CSNK1A1L: variants seen among roughly 807,000 people sequenced by gnomAD.
CSNK1A1L encodes the protein casein kinase 1 alpha 1 like, also known as casein kinase I isoform alpha-like.
A neutral mutation model predicts 24.6 loss-of-function variants in CSNK1A1L; 20 were observed. That is an observed-to-expected ratio of 0.81 (90% CI 0.57 to 1.18). The LOEUF (loss-of-function observed/expected upper bound fraction) is 1.18, where lower values mean the gene tolerates loss of function less well. Among genes scored for constraint, CSNK1A1L ranks in the 50% most tolerant of loss-of-function variants. The pLI is 0.00. For synonymous variants in CSNK1A1L, 152 were observed against 154.0 expected (o/e 0.99, Z 0.09); for missense variants, 414 against 419.0 (o/e 0.99, Z 0.10).
In CSNK1A1L at chr13:37,105,107, C is replaced by T. The variant is rs765534083; in HGVS notation, c.150G>A (p.Gln50=). 1.2e-6 allele frequency: 2 copies of T among 1,614,168 alleles called. No individual in the cohort carries two copies. The highest frequency in any genetic ancestry group is 1.3e-5 in the African/African-American group (1 of 75,028). The change falls in exon 1 of 1, where the codon CAG becomes CAA. Residue 50 remains glutamine, a synonymous_variant. Coordinates refer to ENST00000379800, the MANE Select transcript of CSNK1A1L (RefSeq NM_145203.6). ...GEDVAVKLES[Q]KVKHPQLLYE... Reference sequence around the variant, plus strand: ...ACAGCAACTGGGGGTGCTTGACCTTCTGAGATTCCAGCTTCACTGCTACGT... The same window carrying T: ...ACAGCAACTGGGGGTGCTTGACCTTTTGAGATTCCAGCTTCACTGCTACGT...
chr13:37,104,751 G>T lies in CSNK1A1L; in HGVS notation c.506C>A (p.Thr169Asn). 2 of 1,613,766 alleles carry T rather than the reference G, an allele frequency of 1.2e-6. No individual in the cohort carries two copies. Among genetic ancestry groups the T allele is most frequent in the Non-Finnish European group, 1.7e-6 (2 of 1,179,992 alleles). Residue 169 changes from threonine to asparagine, a missense_variant, in exon 1 of 1, where the codon ACC (threonine) becomes AAC (asparagine). Transcript: ENST00000379800. ...GLAKKYRDNRTRQHIPYREDK... is the reference protein window; with the variant it reads ...GLAKKYRDNRNRQHIPYREDK... ...TTCTCTGTACGGTATGTGTTGCCTGGTCCTGTTGTCTCTGTACTTTTTGGC... is the reference window on the plus strand; with the variant it reads ...TTCTCTGTACGGTATGTGTTGCCTGTTCCTGTTGTCTCTGTACTTTTTGGC...
Position 37,105,214 on chromosome 13 carries a change from C to T in CSNK1A1L, c.43G>A (p.Gly15Arg), listed in dbSNP as rs773071079. 9 of 1,614,060 alleles carry T rather than the reference C, an allele frequency of 5.6e-6. No homozygotes were observed. Among genetic ancestry groups the T allele is most frequent in the Non-Finnish European group, 7.6e-6 (9 of 1,180,040 alleles). Residue 15 changes from glycine to arginine, a missense_variant, in exon 1 of 1, where the codon GGG (glycine) becomes AGG (arginine). By Grantham distance (125) the Gly-to-Arg change is moderately radical (BLOSUM62 -2). Transcript: ENST00000379800. ...SGSKAELVVGGKYKLVRKIGS... is the reference protein window; with the variant it reads ...SGSKAELVVGRKYKLVRKIGS... ...ATCTTCCGCACCAGTTTGTATTTCCCTCCCACAACGAGTTCGGCTTTGGAG... is the reference window on the plus strand; with the variant it reads ...ATCTTCCGCACCAGTTTGTATTTCCTTCCCACAACGAGTTCGGCTTTGGAG...
Position 37,105,331 on chromosome 13 carries a change from G to A in CSNK1A1L, c.-75C>T, listed in dbSNP as rs2070771561. On this transcript the variant is annotated 5_prime_UTR_variant, in exon 1 of 1. Transcript: ENST00000379800. ...AGGATGGAGGCCTCCGGGGCCCACCGGCCCGCAAGGCTGAGGATGAGGGCT... is the reference window on the plus strand; with the variant it reads ...AGGATGGAGGCCTCCGGGGCCCACCAGCCCGCAAGGCTGAGGATGAGGGCT... 2.0e-6 allele frequency: 3 copies of A among 1,490,268 alleles called. No homozygotes were observed. Among genetic ancestry groups the A allele is most frequent in the African/African-American group, 2.8e-5 (2 of 71,192 alleles). The allele number at this position is 1,490,268 out of a possible 1,614,324, so 92.3% of individuals were successfully genotyped here.
Position 37,105,372 on chromosome 13 carries a change from C to G in CSNK1A1L, c.-116G>C, listed in dbSNP as rs745367370. The stretch of plus-strand genomic sequence containing the variant: ...GATGAGGGCTGCTGGAAATGGCCAC[C>G]GAGGCGTTTCCCGGTGTTACAGGGC... On this transcript the variant is annotated 5_prime_UTR_variant, in exon 1 of 1. Coordinates refer to ENST00000379800, the MANE Select transcript of CSNK1A1L (RefSeq NM_145203.6). 8.6e-7 allele frequency: 1 copy of G among 1,158,614 alleles called. No individual in the cohort carries two copies. The highest frequency in any genetic ancestry group is 2.4e-5 in the East Asian group (1 of 41,796). The allele number at this position is 1,158,614 out of a possible 1,614,324, so 71.8% of individuals were successfully genotyped here.
rs1460540586 is a variant in CSNK1A1L at position 37,104,504 on chromosome 13, C to A, written c.753G>T (p.Gly251=). The A allele has an allele frequency of 6.2e-7, 1 of 1,614,192 alleles. No individual in the cohort carries two copies. The highest frequency in any genetic ancestry group is 1.7e-5 in the Admixed American group (1 of 60,032). ...MSTPVEVLCK[G]FPAEFAMYLN... ...AGTACATGGCGAATTCTGCAGGAAA[C>A]CCCTTACATAAAACTTCAACAGGGG... is the stretch of plus-strand genomic sequence containing the variant. The change falls in exon 1 of 1, where the codon GGG becomes GGT. Residue 251 remains glycine (G), a synonymous_variant. Coordinates refer to ENST00000379800, the MANE Select transcript of CSNK1A1L (RefSeq NM_145203.6).
In CSNK1A1L at chr13:37,104,696, A is replaced by G; in HGVS notation, c.561T>C (p.Tyr187=). The G allele has an allele frequency of 3.7e-6, 6 of 1,614,148 alleles. No homozygotes were observed. Among genetic ancestry groups the G allele is most frequent in the Non-Finnish European group, 5.1e-6 (6 of 1,180,034 alleles). ...TACCAAGATGTGCATTGATGCTGGCATATCGGACAGTGCCAATGAGGTGTT... is the reference window on the plus strand; with the variant it reads ...TACCAAGATGTGCATTGATGCTGGCGTATCGGACAGTGCCAATGAGGTGTT... ...EDKHLIGTVR[Y]ASINAHLGIE... is the part of the protein sequence containing the mutation. The change falls in exon 1 of 1, where the codon TAT becomes TAC. Residue 187 remains tyrosine, a synonymous_variant. Transcript: ENST00000379800.
At position 37,104,571 on chromosome 13, in the gene CSNK1A1L, T is replaced by A. The variant is rs1438512724; in HGVS notation, c.686A>T (p.Lys229Ile). The A allele has an allele frequency of 6.2e-7, 1 of 1,614,094 alleles. No individual in the cohort carries two copies. The highest frequency in any genetic ancestry group is 8.5e-7 in the Non-Finnish European group (1 of 1,180,040). ...LPWQGLRAMT[K>I]KQKYEKISEK... is the part of the protein sequence containing the mutation. ...ACTAATCTTTTCATATTTTTGTTTTTTTGTCATAGCCCTTAGTCCTTGCCA... is the reference window on the plus strand; with the variant it reads ...ACTAATCTTTTCATATTTTTGTTTTATTGTCATAGCCCTTAGTCCTTGCCA... The change falls in exon 1 of 1, where the codon AAA becomes ATA. Residue 229 changes from lysine to isoleucine, a missense_variant. Lys to Ile is a moderately radical substitution (Grantham distance 102). Transcript: ENST00000379800.
rs1226306211 is a variant in CSNK1A1L at position 37,103,367 on chromosome 13, T to G, written c.*876A>C. On this transcript the variant is annotated 3_prime_UTR_variant, in exon 1 of 1. Coordinates refer to ENST00000379800, the MANE Select transcript of CSNK1A1L (RefSeq NM_145203.6). The stretch of plus-strand genomic sequence containing the variant: ...ATTTCCTAGTGAATCAGCAAGGCAT[T>G]TTTTGGTTGTTGTTTAAAAAAGTAT... The G allele has an allele frequency of 6.6e-6, 1 of 152,234 alleles. No individual in the cohort carries two copies. Among genetic ancestry groups the G allele is most frequent in the African/African-American group, 2.4e-5 (1 of 41,440 alleles). The allele number at this position is 152,234 out of a possible 1,614,324, so 9.4% of individuals were successfully genotyped here.
In CSNK1A1L at chr13:37,104,660, G is replaced by A. The variant is rs1425646433; in HGVS notation, c.597C>T (p.Ser199=). 1 of 1,614,098 alleles carries A rather than the reference G, an allele frequency of 6.2e-7. No homozygotes were observed. The highest frequency in any genetic ancestry group is 8.5e-7 in the Non-Finnish European group (1 of 1,180,026). ...CTAAGGATTCCATGTCATCTCGGCG[G>A]CTCTGCTCAATACCAAGATGTGCAT... is the stretch of plus-strand genomic sequence containing the variant. The part of the protein sequence containing the change: ...SINAHLGIEQ[S]RRDDMESLGY... The change falls in exon 1 of 1, where the codon AGC becomes AGT. Residue 199 remains serine, a synonymous_variant. Coordinates refer to ENST00000379800, the MANE Select transcript of CSNK1A1L (RefSeq NM_145203.6).
Position 37,104,025 on chromosome 13 carries a change from C to T in CSNK1A1L, c.*218G>A, listed in dbSNP as rs1222058181. 18 of 602,782 alleles carry T rather than the reference C, an allele frequency of 3.0e-5. No homozygotes were observed. Among genetic ancestry groups the T allele is most frequent in the Non-Finnish European group, 5.2e-5 (18 of 344,912 alleles). 37.3% of individuals were successfully genotyped at this position (602,782 alleles called of 1,614,324 possible). A position where few individuals can be genotyped will look rare whatever the true frequency, so the allele number is the denominator to read the frequency against. On this transcript the variant is annotated 3_prime_UTR_variant, in exon 1 of 1. Coordinates refer to ENST00000379800, the MANE Select transcript of CSNK1A1L (RefSeq NM_145203.6). ...GAAAACCAGACACCACGTTTCACTA[C>T]CTCAGTTAATATTCACAATTACAGA...
Position 37,104,507 on chromosome 13 carries a change from C to T in CSNK1A1L, c.750G>A (p.Lys250=), listed in dbSNP as rs1470362250. ...KMSTPVEVLC[K]GFPAEFAMYL... ...ACATGGCGAATTCTGCAGGAAACCC[C>T]TTACATAAAACTTCAACAGGGGTGG... is the stretch of plus-strand genomic sequence containing the variant. The change falls in exon 1 of 1, where the codon AAG becomes AAA. Residue 250 remains lysine, a synonymous_variant. Transcript: ENST00000379800. 1.9e-6 allele frequency: 3 copies of T among 1,614,218 alleles called. No homozygotes were observed. The highest frequency in any genetic ancestry group is 1.1e-5 in the South Asian group (1 of 91,082).
Position 37,105,361 on chromosome 13 carries a change from G to C in CSNK1A1L, c.-105C>G, listed in dbSNP as rs1010867741. 2.3e-6 allele frequency: 3 copies of C among 1,288,008 alleles called. No homozygotes were observed. Among genetic ancestry groups the C allele is most frequent in the East Asian group, 2.3e-5 (1 of 42,936 alleles). The allele number at this position is 1,288,008 out of a possible 1,614,324, so 79.8% of individuals were successfully genotyped here. A position where few individuals can be genotyped will look rare whatever the true frequency, so the allele number is the denominator to read the frequency against. Reference sequence around the variant, plus strand: ...GCAAGGCTGAGGATGAGGGCTGCTGGAAATGGCCACCGAGGCGTTTCCCGG... The same window carrying C: ...GCAAGGCTGAGGATGAGGGCTGCTGCAAATGGCCACCGAGGCGTTTCCCGG... On this transcript the variant is annotated 5_prime_UTR_variant, in exon 1 of 1. Coordinates refer to ENST00000379800, the MANE Select transcript of CSNK1A1L (RefSeq NM_145203.6).
At position 37,104,800 on chromosome 13, in the gene CSNK1A1L, A is replaced by G; in HGVS notation, c.457T>C (p.Leu153=). The G allele has an allele frequency of 1.2e-6, 2 of 1,613,164 alleles. No individual in the cohort carries two copies. The highest frequency in any genetic ancestry group is 8.5e-7 in the Non-Finnish European group (1 of 1,179,872). ...LMGTGRHCNK[L]FLIDFGLAKK... is the part of the protein sequence containing the mutation. The stretch of plus-strand genomic sequence containing the variant: ...GCCAAACCAAAATCAATAAGGAACA[A>G]CTTATTACAGTGACGCCCAGTACCC... Residue 153 remains leucine (L), a synonymous_variant, in exon 1 of 1, where the codon TTG becomes CTG. Transcript: ENST00000379800.
At position 37,103,717 on chromosome 13, in the gene CSNK1A1L, T is replaced by C. The variant is rs1024551922; in HGVS notation, c.*526A>G. 4.9e-5 allele frequency: 8 copies of C among 161,908 alleles called. No homozygotes were observed. Among genetic ancestry groups the C allele is most frequent in the Admixed American group, 2.9e-4 (5 of 17,330 alleles). The allele number at this position is 161,908 out of a possible 1,614,324, so 10.0% of individuals were successfully genotyped here. On this transcript the variant is annotated 3_prime_UTR_variant, in exon 1 of 1. Transcript: ENST00000379800. ...TCTCAAAACTGGAATTTTTGGTTAC[T>C]ACTAGATCAGCTGGCTTACAGACAA...
Position 37,103,365 on chromosome 13 carries a change from A to AT in CSNK1A1L, c.*877dup, listed in dbSNP as rs1369946940. 1.3e-5 allele frequency: 2 copies of AT among 152,226 alleles called. No homozygotes were observed. The highest frequency in any genetic ancestry group is 2.9e-5 in the Non-Finnish European group (2 of 68,022). The allele number at this position is 152,226 out of a possible 1,614,324, so 9.4% of individuals were successfully genotyped here. A position where few individuals can be genotyped will look rare whatever the true frequency, so the allele number is the denominator to read the frequency against. ...TTATTTCCTAGTGAATCAGCAAGGCATTTTTTGGTTGTTGTTTAAAAAAGT... is the reference window on the plus strand; with the variant it reads ...TTATTTCCTAGTGAATCAGCAAGGCATTTTTTTGGTTGTTGTTTAAAAAAGT... On this transcript the variant is annotated 3_prime_UTR_variant, in exon 1 of 1. Coordinates refer to ENST00000379800, the MANE Select transcript of CSNK1A1L (RefSeq NM_145203.6).
At position 37,105,560 on chromosome 13, in the gene CSNK1A1L, T is replaced by G. The variant is rs1594719411; in HGVS notation, c.-304A>C. 2.9e-6 allele frequency: 1 copy of G among 342,334 alleles called. No individual in the cohort carries two copies. The highest frequency in any genetic ancestry group is 5.6e-6 in the Non-Finnish European group (1 of 179,950). 21.2% of individuals were successfully genotyped at this position (342,334 alleles called of 1,614,324 possible). The stretch of plus-strand genomic sequence containing the variant: ...GGCTGAGAAAGGGGGCACAGCGAGT[T>G]GGGGCAGCAGTACTGCTGCCACCGC... On this transcript the variant is annotated 5_prime_UTR_variant, in exon 1 of 1. Transcript: ENST00000379800.
rs760538439 is a variant in CSNK1A1L at position 37,104,685 on chromosome 13, T to C, written c.572A>G (p.Asn191Ser). ...LIGTVRYASI[N>S]AHLGIEQSRR... is the part of the protein sequence containing the mutation. ...GCTCTGCTCAATACCAAGATGTGCA[T>C]TGATGCTGGCATATCGGACAGTGCC... Residue 191 changes from asparagine to serine, a missense_variant, in exon 1 of 1, where the codon AAT becomes AGT. By Grantham distance (46) the Asn-to-Ser change is conservative. Coordinates refer to ENST00000379800, the MANE Select transcript of CSNK1A1L (RefSeq NM_145203.6). The C allele has an allele frequency of 4.3e-6, 7 of 1,614,060 alleles. No individual in the cohort carries two copies. Among genetic ancestry groups the C allele is most frequent in the Middle Eastern group, 1.6e-4 (1 of 6,084 alleles).
Position 37,104,920 on chromosome 13 carries a change from C to G in CSNK1A1L, c.337G>C (p.Val113Leu). Residue 113 changes from valine to leucine, a missense_variant, in exon 1 of 1, where the codon GTA becomes CTA. Physicochemically the swap from Val to Leu is conservative, Grantham distance 32 (BLOSUM62 1). Transcript: ENST00000379800. ...FCSRRFTMKTVLMLADQMISR... is the reference protein window; with the variant it reads ...FCSRRFTMKTLLMLADQMISR... ...ATCATCTGGTCGGCTAACATAAGTA[C>G]AGTTTTCATGGTGAACCTTCTTGAA... 1.2e-6 allele frequency: 2 copies of G among 1,614,088 alleles called. No individual in the cohort carries two copies. Among genetic ancestry groups the G allele is most frequent in the Non-Finnish European group, 1.7e-6 (2 of 1,180,014 alleles).
Position 37,104,399 on chromosome 13 carries a change from C to A in CSNK1A1L, c.858G>T (p.Arg286Ser). The stretch of plus-strand genomic sequence containing the variant: ...TGTAGTCATATTGGTGGTTCAGGGT[C>A]CTGAAAAGAATGCGGAATAGCTGCC... ...YLRQLFRILF[R>S]TLNHQYDYTF... Residue 286 changes from arginine to serine, a missense_variant, in exon 1 of 1, where the codon AGG (arginine) becomes AGT (serine). Physicochemically the swap from Arg to Ser is moderately radical, Grantham distance 110 (BLOSUM62 -1). Transcript: ENST00000379800. 1 of 1,614,116 alleles carries A rather than the reference C, an allele frequency of 6.2e-7. No homozygotes were observed. Among genetic ancestry groups the A allele is most frequent in the Non-Finnish European group, 8.5e-7 (1 of 1,180,042 alleles).
Sources: allele counts gnomAD v4.1 joint callset, GRCh38; gene constraint gnomAD v4.1.1; transcripts MANE v1.5; gene names NCBI Gene and HGNC (gene_info 2026-07-23, HGNC 2026-07-21).